THSD7B: variants seen among roughly 807,000 people sequenced by gnomAD.
The protein encoded by THSD7B is thrombospondin type 1 domain containing 7B.
In THSD7B, 138 loss-of-function variants were observed where a neutral mutation model predicts 213.6. The observed-to-expected ratio is 0.65, with a 90% CI of 0.56 to 0.74. THSD7B has a LOEUF of 0.74. Ranked by LOEUF, THSD7B falls within the 30% of genes least tolerant of loss-of-function variation. The probability of loss-of-function intolerance (pLI) is 0.00; values close to 1 mark genes in which losing one functional copy is unlikely to be tolerated. For synonymous variants in THSD7B, 742 were observed against 687.0 expected (o/e 1.08, Z -1.25); for missense variants, 1,931 against 1,991.5 (o/e 0.97, Z 0.58).
At chr2:137,413,836 T>A (rs1686728353) in intron 14 of THSD7B, among the ~76,000 whole-genome samples, 1 of 152,174 alleles carries the variant, frequency 6.6e-6, no homozygotes. Context: ...GTCTACAGAC[T>A]GACTTAAAAG....
intron 15 of THSD7B, among the ~76,000 whole-genome samples, chr2:137,478,425 TTTG>T (rs775754325): frequency 2.1e-4 from 32 of 152,294 alleles, no homozygotes; most frequent in Non-Finnish European, 3.2e-4. Context: ...TGTGTGTTTT[TTTG>T]TTGTTGTTGT....
At chr2:137,564,987 G>A (rs912716962) in intron 16 of THSD7B, among the ~76,000 whole-genome samples, 14 of 152,222 alleles carry the variant, frequency 9.2e-5, no homozygotes, top group East Asian at 1.9e-4. Flanking sequence ...AAGGTTATTG[G>A]TGTGGGCCCT....
At chr2:136,851,810 T>G (rs1193947442) in intron 1 of THSD7B, among the ~76,000 whole-genome samples, 1 of 152,096 alleles carries the variant, frequency 6.6e-6, no homozygotes, top group Admixed American at 6.6e-5. Context: ...AATCAAGGGA[T>G]GTGGAAATAT....
intron 2 of THSD7B, among the ~76,000 whole-genome samples, chr2:137,011,132 A>C (rs979976): frequency 0.6 from 91,652 of 151,940 alleles, 29,159 homozygotes; most frequent in South Asian, 0.76. Flanking sequence ...TAAGTATATG[A>C]CTTGCCAGAG....
chr2:136,820,601 T>C (rs4954441), intron 1 of THSD7B, among the ~76,000 whole-genome samples: 22,097 of 152,142 alleles, frequency 0.15, 1,752 homozygotes, highest in Middle Eastern at 0.3. Flanking sequence ...AAAGAGACAG[T>C]AAACAAATGA....
intron 2 of THSD7B, among the ~76,000 whole-genome samples, chr2:137,004,599 A>G (rs1462716013): frequency 2.0e-5 from 3 of 152,200 alleles, no homozygotes; most frequent in African/African-American, 7.2e-5. Flanking sequence ...GTCCTATACC[A>G]AACTTTCAAG....
intron 21 of THSD7B, among the ~76,000 whole-genome samples, chr2:137,642,908 T>C (rs971278808): frequency 2.6e-5 from 4 of 152,192 alleles, no homozygotes; most frequent in African/African-American, 7.2e-5. Context: ...AAGAATTCTG[T>C]TATTTTATTG....
chr2:137,256,326 C>G (rs1046165796), intron 10 of THSD7B, among the ~76,000 whole-genome samples: 1 of 152,126 alleles, frequency 6.6e-6, no homozygotes, highest in African/African-American at 2.4e-5. Flanking sequence ...CATGCAAACA[C>G]ATGTTTTCTA....
chr2:137,541,229 G>A (rs1403370802), intron 15 of THSD7B, among the ~76,000 whole-genome samples: 1 of 151,504 alleles, frequency 6.6e-6, no homozygotes, highest in African/African-American at 2.4e-5. Flanking sequence ...TTGGGAGAGT[G>A]AAGAATCTGA....
At chr2:137,061,427 C>CT (rs35891504) in intron 3 of THSD7B, among the ~76,000 whole-genome samples, 15,042 of 146,924 alleles carry the variant, frequency 0.1, 1,020 homozygotes, top group Non-Finnish European at 0.16. Context: ...AAAGGACATT[C>CT]TTTTTTTTTT....
In THSD7B at chr2:137,019,509, C is replaced by T. The variant is rs188358049; in HGVS notation, c.140-36911C>T. ...GCATGCTGCTGAACTATTTTGAACA[C>T]TCTGTGGACTTTTATAATTATTTGC... is the stretch of plus-strand genomic sequence containing the variant. On this transcript the variant is annotated intron_variant, in intron 2 of 27. Transcript: ENST00000409968. Among the ~76,000 whole-genome samples, 71 of 152,272 alleles carry T rather than the reference C, an allele frequency of 4.7e-4. 1 individual carries two copies. Among genetic ancestry groups the T allele is most frequent in the African/African-American group, 1.7e-3 (71 of 41,568 alleles).
intron 12 of THSD7B, among the ~76,000 whole-genome samples, chr2:137,393,146 CT>C (rs565002881): frequency 0.24 from 33,407 of 139,470 alleles, 3,913 homozygotes; most frequent in South Asian, 0.29. Context: ...TTTCTTCCAG[CT>C]TTTTTTTTTT....
intron 17 of THSD7B, among the ~76,000 whole-genome samples, chr2:137,611,777 G>A (rs1054717204): frequency 6.6e-6 from 1 of 152,088 alleles, no homozygotes; most frequent in African/African-American, 2.4e-5. Context: ...AAGTTCTTCT[G>A]TTTTGTGTGG....
At chr2:136,923,657 G>T (rs906160560) in intron 2 of THSD7B, among the ~76,000 whole-genome samples, 3 of 152,044 alleles carry the variant, frequency 2.0e-5, no homozygotes, top group African/African-American at 7.2e-5. Context: ...TTCTAATGGG[G>T]GCGAGGTGTT....
chr2:136,957,011 C>T (rs927688694), intron 2 of THSD7B, among the ~76,000 whole-genome samples: 3 of 152,068 alleles, frequency 2.0e-5, no homozygotes, highest in Non-Finnish European at 2.9e-5. Context: ...CTTTAGTGGC[C>T]GTTTGAGATC....
rs1683389434 is a variant in THSD7B at position 137,663,420 on chromosome 2, T to C, written c.4496T>C (p.Ile1499Thr). Residue 1499 changes from isoleucine to threonine, a missense_variant, in exon 26 of 28, where the codon ATA (isoleucine) becomes ACA (threonine). Transcript: ENST00000409968. ...VCGCEKGYTE[I>T]MKSNGFLDYC... is the part of the protein sequence containing the mutation. ...GGTTGTGAGAAGGGCTATACAGAGA[T>C]AATGAAATCAAATGGTTTCCTGGAT... is the stretch of plus-strand genomic sequence containing the variant. 1.9e-6 allele frequency: 3 copies of C among 1,593,130 alleles called. No homozygotes were observed. Among genetic ancestry groups the C allele is most frequent in the African/African-American group, 1.3e-5 (1 of 74,582 alleles).
chr2:137,387,803 G>A (rs1010638328), intron 12 of THSD7B, among the ~76,000 whole-genome samples: 9 of 152,120 alleles, frequency 5.9e-5, no homozygotes, highest in South Asian at 2.1e-4. Context: ...ACCATTACAC[G>A]TCCCTTTCAT....
intron 2 of THSD7B, among the ~76,000 whole-genome samples, chr2:137,022,511 A>G (rs1214615259): frequency 6.6e-6 from 1 of 152,222 alleles, no homozygotes; most frequent in East Asian, 1.9e-4. Context: ...TAAAATATAC[A>G]TTGGGTTTTG....
chr2:137,653,642 G>C (rs146270276), intron 21 of THSD7B, among the ~76,000 whole-genome samples: 1 of 149,674 alleles, frequency 6.7e-6, no homozygotes, highest in South Asian at 2.1e-4. Flanking sequence ...CTCTGACTGT[G>C]TATTTTCAGA....
Sources: allele counts gnomAD v4.1 joint callset (sites outside exome capture counted in the v4.1 genomes callset), GRCh38; gene constraint gnomAD v4.1.1; transcripts MANE v1.5; gene names NCBI Gene and HGNC (gene_info 2026-07-23, HGNC 2026-07-21).